The following S1PR3 variants were observed in gnomAD, a reference collection of about 807,000 sequenced individuals.
S1PR3 encodes the protein sphingosine-1-phosphate receptor 3.
A neutral mutation model predicts 13.3 loss-of-function variants in S1PR3; 12 were observed. That is an observed-to-expected ratio of 0.90 (90% CI 0.58 to 1.46). S1PR3 has a LOEUF of 1.46. S1PR3 is among the 40% of genes most tolerant of loss of function. The probability of loss-of-function intolerance (pLI) is 0.00; values close to 1 mark genes in which losing one functional copy is unlikely to be tolerated. For missense variants in S1PR3, 450 were observed against 501.9 expected, an observed-to-expected ratio of 0.90 and a Z score of 0.99; for synonymous variants, 232 against 214.0, an observed-to-expected ratio of 1.08 and a Z score of -0.73.
rs117829798 is a variant in S1PR3, at chr9:89,001,658, G to A, written c.458G>A (p.Arg153His). The A allele has an allele frequency of 3.7e-3, 6,018 of 1,614,208 alleles. 10 individuals carry two copies. The highest frequency in any genetic ancestry group is 4.2e-3 in the Non-Finnish European group (4,974 of 1,180,046). The change falls in exon 2 of 2, where the codon CGC becomes CAC. Residue 153 changes from arginine to histidine, a missense_variant. Coordinates refer to ENST00000358157, the MANE Select transcript of S1PR3 (RefSeq NM_005226.4). ...MRPYDANKRH[R>H]VFLLIGMCWL... ...CCTTACGACGCCAACAAGAGGCACC[G>A]CGTCTTCCTCCTGATCGGGATGTGC...
rs1825906394 is a variant in S1PR3, at chr9:89,004,326, G to A, written c.*1989G>A. 1 of 152,632 alleles carries A rather than the reference G, an allele frequency of 6.6e-6. No individual in the cohort carries two copies. 9.5% of individuals were successfully genotyped at this position (152,632 alleles called of 1,614,324 possible). ...AGGCTGGAGAGTTGCTCAAACCCGG[G>A]AGGCGGAGATTGCAGTGAGCCAAGA... is the stretch of plus-strand genomic sequence containing the variant. On this transcript the variant is annotated 3_prime_UTR_variant, in exon 2 of 2. Coordinates refer to ENST00000358157, the MANE Select transcript of S1PR3 (RefSeq NM_005226.4).
In S1PR3 at chr9:88,991,988, A is replaced by G. The variant is rs762690188; in HGVS notation, c.-148+293A>G. 3 of 1,614,236 alleles carry G rather than the reference A, an allele frequency of 1.9e-6. No individual in the cohort carries two copies. ...ATCAGTCGTTTTCCTTGGACAATTAACAAGTTAGGCTTCCACAGTGCCAGG... is the reference window on the plus strand; with the variant it reads ...ATCAGTCGTTTTCCTTGGACAATTAGCAAGTTAGGCTTCCACAGTGCCAGG... On this transcript the variant is annotated intron_variant, in intron 1 of 1. Transcript: ENST00000358157. The surrounding 1 kb of genome is among the most constrained non-coding windows in gnomAD (Gnocchi z 4.0).
At chr9:88,995,505 T>C (rs1207305237) in intron 1 of S1PR3, 1 of 166,920 alleles carries the variant, frequency 6.0e-6, no homozygotes, top group East Asian at 1.9e-4. Flanking sequence ...CTTGGCAGGG[T>C]CTAACTTGGG....
intron 1 of S1PR3, chr9:88,992,283 T>A: frequency 2.2e-6 from 1 of 450,084 alleles, no homozygotes; most frequent in Non-Finnish European, 4.0e-6. Flanking sequence ...TCTCTCTCTC[T>A]CTCTCTCTCT....
chr9:88,992,029 A>T (rs764530923), intron 1 of S1PR3: 36 of 1,613,070 alleles, frequency 2.2e-5, no homozygotes, highest in Non-Finnish European at 3.1e-5. Context: ...GGGATGCTGG[A>T]CGTGGGAGAG....
Position 89,002,404 on chromosome 9 carries a change from C to G in S1PR3, c.*67C>G. ...TTGCATGCGTCGCTTCCACAGGGGC[C>G]CCTCAAGAGCTGTGACTCGGGAGAG... On this transcript the variant is annotated 3_prime_UTR_variant, in exon 2 of 2. Coordinates refer to ENST00000358157, the MANE Select transcript of S1PR3 (RefSeq NM_005226.4). 1 of 1,533,472 alleles carries G rather than the reference C, an allele frequency of 6.5e-7. No homozygotes were observed. The highest frequency in any genetic ancestry group is 8.8e-7 in the Non-Finnish European group (1 of 1,133,712). 95.0% of individuals were successfully genotyped at this position (1,533,472 alleles called of 1,614,324 possible).
rs572131517 is a variant in S1PR3, at chr9:89,001,938, G to A, written c.738G>A (p.Val246=). 137 of 1,614,216 alleles carry A rather than the reference G, an allele frequency of 8.5e-5. 2 individuals are homozygous for A. In the South Asian group the frequency reaches 1.5e-3, roughly 17 times the overall value. The change falls in exon 2 of 2, where the codon GTG becomes GTA. Residue 246 remains valine (V), a synonymous_variant. Transcript: ENST00000358157. ...CCATGGCACTGCTGCGGACCGTGGT[G>A]ATTGTGGTGAGCGTGTTCATCGCCT... is the stretch of plus-strand genomic sequence containing the variant. The part of the protein sequence containing the change: ...ERSMALLRTV[V]IVVSVFIACW...
chr9:89,002,277 C>G lies in S1PR3; in HGVS notation c.1077C>G (p.Ala359=). 2 of 1,614,140 alleles carry G rather than the reference C, an allele frequency of 1.2e-6. No homozygotes were observed. The highest frequency in any genetic ancestry group is 1.7e-6 in the Non-Finnish European group (2 of 1,180,036). The stretch of plus-strand genomic sequence containing the variant: ...TCAAGGAAGACCTGCCCCACACAGC[C>G]CCCTCATCCTGCATCATGGACAAGA... The part of the protein sequence containing the change: ...PKVKEDLPHT[A]PSSCIMDKNA... Residue 359 remains alanine, a synonymous_variant, in exon 2 of 2, where the codon GCC becomes GCG. Coordinates refer to ENST00000358157, the MANE Select transcript of S1PR3 (RefSeq NM_005226.4).
chr9:89,001,994 T>A lies in S1PR3; in HGVS notation c.794T>A (p.Ile265Asn). 3 of 1,614,136 alleles carry A rather than the reference T, an allele frequency of 1.9e-6. No homozygotes were observed. Among genetic ancestry groups the A allele is most frequent in the Non-Finnish European group, 2.5e-6 (3 of 1,180,014 alleles). Residue 265 changes from isoleucine to asparagine, a missense_variant, in exon 2 of 2, where the codon ATT becomes AAT. Coordinates refer to ENST00000358157, the MANE Select transcript of S1PR3 (RefSeq NM_005226.4). ...CWSPLFILFL[I>N]DVACRVQACP... Reference sequence around the variant, plus strand: ...TCCCCACTCTTCATCCTCTTCCTCATTGATGTGGCCTGCAGGGTGCAGGCG... The same window carrying A: ...TCCCCACTCTTCATCCTCTTCCTCAATGATGTGGCCTGCAGGGTGCAGGCG...
In S1PR3 at chr9:89,001,878, C is replaced by T. The variant is rs1564064148; in HGVS notation, c.678C>T (p.Ser226=). The T allele has an allele frequency of 6.2e-7, 1 of 1,614,230 alleles. No individual in the cohort carries two copies. Among genetic ancestry groups the T allele is most frequent in the East Asian group, 2.2e-5 (1 of 44,876 alleles). ...TCTACTTCCTGGTGAAGTCCAGCAGCCGTAAGGTGGCCAACCACAACAACT... is the reference window on the plus strand; with the variant it reads ...TCTACTTCCTGGTGAAGTCCAGCAGTCGTAAGGTGGCCAACCACAACAACT... ...ARIYFLVKSS[S]RKVANHNNSE... Residue 226 remains serine (S), a synonymous_variant, in exon 2 of 2, where the codon AGC becomes AGT. Transcript: ENST00000358157.
At chr9:88,998,057 G>A (rs1298514966) in intron 1 of S1PR3, 1 of 152,308 alleles carries the variant, frequency 6.6e-6, no homozygotes, top group Non-Finnish European at 1.5e-5. Flanking sequence ...TCATGCCAGG[G>A]TGCATGCCGG....
At chr9:89,000,275 T>C (rs1363869163) in intron 1 of S1PR3, 2 of 152,308 alleles carry the variant, frequency 1.3e-5, no homozygotes, top group Non-Finnish European at 2.9e-5. Flanking sequence ...ACCCATGCTC[T>C]ATTTGATATT....
rs775501070 is a variant in S1PR3 at position 88,991,957 on chromosome 9, A to C, written c.-148+262A>C. 2.5e-6 allele frequency: 4 copies of C among 1,614,250 alleles called. No homozygotes were observed. Among genetic ancestry groups the C allele is most frequent in the Non-Finnish European group, 3.4e-6 (4 of 1,180,040 alleles). ...AAAGTGGAGAGGCTGTTCGTGGAGA[A>C]GTTCCATCAGTCGTTTTCCTTGGAC... On this transcript the variant is annotated intron_variant, in intron 1 of 1. Coordinates refer to ENST00000358157, the MANE Select transcript of S1PR3 (RefSeq NM_005226.4). The surrounding 1 kb of genome is among the most constrained non-coding windows in gnomAD (Gnocchi z 4.0).
chr9:89,002,975 G>A lies in S1PR3; in HGVS notation c.*638G>A, dbSNP rs1825889260. The A allele has an allele frequency of 5.9e-6, 1 of 169,142 alleles. No individual in the cohort carries two copies. The highest frequency in any genetic ancestry group is 6.4e-5 in the Admixed American group (1 of 15,738). 10.5% of individuals were successfully genotyped at this position (169,142 alleles called of 1,614,324 possible). On this transcript the variant is annotated 3_prime_UTR_variant, in exon 2 of 2. Transcript: ENST00000358157. Reference sequence around the variant, plus strand: ...AAATTCCCCAAAAAGGCTTGTCCAAGGCTGGCCCCAGATGTGTGGGTCTGA... The same window carrying A: ...AAATTCCCCAAAAAGGCTTGTCCAAAGCTGGCCCCAGATGTGTGGGTCTGA...
rs534221341 is a variant in S1PR3, at chr9:89,001,251, C to T, written c.51C>T (p.Thr17=). The part of the protein sequence containing the change: ...PRLQPVRGNE[T]LREHYQYVGK... ...TCCAGCCGGTGCGGGGGAACGAGAC[C>T]CTGCGGGAGCATTACCAGTACGTGG... Residue 17 remains threonine, a synonymous_variant, in exon 2 of 2, where the codon ACC becomes ACT. Coordinates refer to ENST00000358157, the MANE Select transcript of S1PR3 (RefSeq NM_005226.4). 6.8e-5 allele frequency: 109 copies of T among 1,614,082 alleles called. 2 individuals are homozygous for T. In the South Asian group the frequency reaches 1.2e-3, roughly 17 times the overall value.
At position 89,002,329 on chromosome 9, in the gene S1PR3, T is replaced by C. The variant is rs757224414; in HGVS notation, c.1129T>C (p.Cys377Arg). The C allele has an allele frequency of 3.7e-5, 59 of 1,613,842 alleles. No individual in the cohort carries two copies. Among genetic ancestry groups the C allele is most frequent in the Non-Finnish European group, 4.9e-5 (58 of 1,179,788 alleles). The change falls in exon 2 of 2, where the codon TGC (cysteine) becomes CGC (arginine). Residue 377 changes from cysteine to arginine, a missense_variant. Cys to Arg is a radical substitution (Grantham distance 180). Transcript: ENST00000358157. ...CGCAGCACTTCAGAATGGGATCTTCTGCAACTGATCGTCTCCATGCGCCCT... is the reference window on the plus strand; with the variant it reads ...CGCAGCACTTCAGAATGGGATCTTCCGCAACTGATCGTCTCCATGCGCCCT... ...KNAALQNGIF[C>R]N
chr9:89,001,860 C>T lies in S1PR3; in HGVS notation c.660C>T (p.Phe220=). 6.2e-7 allele frequency: 1 copy of T among 1,614,234 alleles called. No homozygotes were observed. The highest frequency in any genetic ancestry group is 8.5e-7 in the Non-Finnish European group (1 of 1,180,038). The change falls in exon 2 of 2, where the codon TTC becomes TTT. Residue 220 remains phenylalanine (F), a synonymous_variant. Coordinates refer to ENST00000358157, the MANE Select transcript of S1PR3 (RefSeq NM_005226.4). ...TIVILYARIY[F]LVKSSSRKVA... Reference sequence around the variant, plus strand: ...TGATCCTCTACGCACGCATCTACTTCCTGGTGAAGTCCAGCAGCCGTAAGG... The same window carrying T: ...TGATCCTCTACGCACGCATCTACTTTCTGGTGAAGTCCAGCAGCCGTAAGG...
Position 89,002,597 on chromosome 9 carries a change from C to T in S1PR3, c.*260C>T, listed in dbSNP as rs1470881357. 2 of 546,046 alleles carry T rather than the reference C, an allele frequency of 3.7e-6. No individual in the cohort carries two copies. Among genetic ancestry groups the T allele is most frequent in the African/African-American group, 3.8e-5 (2 of 52,704 alleles). The allele number at this position is 546,046 out of a possible 1,614,324, so 33.8% of individuals were successfully genotyped here. On this transcript the variant is annotated 3_prime_UTR_variant, in exon 2 of 2. Coordinates refer to ENST00000358157, the MANE Select transcript of S1PR3 (RefSeq NM_005226.4). ...CATCATCCACTGCCTTCTGCTGCATCCTAGACACCCTCCCTGTTGTTCACA... is the reference window on the plus strand; with the variant it reads ...CATCATCCACTGCCTTCTGCTGCATTCTAGACACCCTCCCTGTTGTTCACA...
chr9:89,002,193 G>T lies in S1PR3; in HGVS notation c.993G>T (p.Ala331=), dbSNP rs145599244. Residue 331 remains alanine, a synonymous_variant, in exon 2 of 2, where the codon GCG becomes GCT. Transcript: ENST00000358157. ...RGARASPIQP[A]LDPSRSKSSS... is the part of the protein sequence containing the mutation. ...CCCGCGCCTCACCCATCCAGCCTGCGCTCGACCCAAGCAGAAGTAAATCAA... is the reference window on the plus strand; with the variant it reads ...CCCGCGCCTCACCCATCCAGCCTGCTCTCGACCCAAGCAGAAGTAAATCAA... 1.2e-6 allele frequency: 2 copies of T among 1,613,820 alleles called. No homozygotes were observed. The highest frequency in any genetic ancestry group is 4.5e-5 in the East Asian group (2 of 44,848).
Sources: allele counts gnomAD v4.1 joint callset, GRCh38; gene constraint gnomAD v4.1.1; non-coding constraint Gnocchi (gnomAD v3.1); transcripts MANE v1.5; gene names NCBI Gene and HGNC (gene_info 2026-07-23, HGNC 2026-07-21).